Variants in PNCK observed in about 807,000 individuals in gnomAD.
PNCK encodes the protein calcium/calmodulin-dependent protein kinase type 1B.
A neutral mutation model predicts 28.3 loss-of-function variants in PNCK; 21 were observed. The ratio of observed to expected loss-of-function variants is 0.74; its 90% CI spans 0.53 to 1.07. PNCK has a LOEUF of 1.07. PNCK is among the 50% of genes least tolerant of loss of function. PNCK has a pLI of 0.00. For synonymous variants in PNCK, 136 were observed against 125.2 expected (o/e 1.09, Z -0.58); for missense variants, 250 against 298.3 (o/e 0.84, Z 1.19).
chrX:153,678,153 C>A (rs1199064167), upstream of PNCK, among the ~76,000 whole-genome samples: 2 of 110,177 alleles, frequency 1.8e-5, no homozygotes, highest in African/African-American at 6.6e-5. Context: ...ACCTCCCACT[C>A]TAAAAGTGAG....
intron 4 of PNCK, 30 bp from the exon 5 acceptor site, chrX:153,672,048 G>A (rs1003255895): frequency 8.3e-7 from 1 of 1,204,553 alleles, no homozygotes; most frequent in Non-Finnish European, 1.1e-6. Flanking sequence ...GGCTGACCCA[G>A]GCACTCAGCC....
At position 153,670,524 on chromosome X, in the gene PNCK, G is replaced by A; in HGVS notation, c.965C>T (p.Ala322Val). The change falls in exon 11 of 12, where the codon GCC becomes GTC. Residue 322 changes from alanine to valine, a missense_variant. Transcript: ENST00000340888. ...GTGGCGGGCCATGCCCTGCTCAGAG[G>A]CCCCCTCGCCCTCTGGGATCTGCCC... is the stretch of plus-strand genomic sequence containing the variant. ...KLGQIPEGEGASEQGMARHSH... is the reference protein window; with the variant it reads ...KLGQIPEGEGVSEQGMARHSH... 2 of 1,209,714 alleles carry A rather than the reference G, an allele frequency of 1.7e-6. No homozygotes were observed. The highest frequency in any genetic ancestry group is 1.1e-6 in the Non-Finnish European group (1 of 894,848).
chrX:153,680,120 T>C (rs1046040437), intron 1 of PNCK, among the ~76,000 whole-genome samples: 6 of 110,287 alleles, frequency 5.4e-5, no homozygotes, highest in Non-Finnish European at 1.1e-4. Flanking sequence ...ATCCTGTACG[T>C]GTCAACTTTG....
chrX:153,687,515 A>G (rs2148356865), exon 1 of PNCK: 1 of 322,965 alleles, frequency 3.1e-6, no homozygotes, highest in East Asian at 1.0e-4. Flanking sequence ...GAGCTCAAGG[A>G]AGGAGGGAGC....
chrX:153,672,143 G>A lies in PNCK; in HGVS notation c.258C>T (p.Leu86=). The A allele has an allele frequency of 8.3e-7, 1 of 1,206,282 alleles. No individual in the cohort carries two copies. The highest frequency in any genetic ancestry group is 1.1e-6 in the Non-Finnish European group (1 of 892,545). Residue 86 remains leucine (L), a synonymous_variant, in exon 4 of 12, where the codon CTC becomes CTT. Coordinates refer to ENST00000340888, the MANE Select transcript of PNCK (RefSeq NM_001366977.1). Reference sequence around the variant, plus strand: ...CTCCTCACAGTTCCATGGCCAGGTAGAGGTGGGAAGGGCTCTCGTGGACAT... The same window carrying A: ...CTCCTCACAGTTCCATGGCCAGGTAAAGGTGGGAAGGGCTCTCGTGGACAT... ...LEDVHESPSH[L]YLAMELVTGG... is the part of the protein sequence containing the mutation.
upstream of PNCK, among the ~76,000 whole-genome samples, chrX:153,679,617 G>A (rs1376888117): frequency 1.1e-5 from 1 of 91,705 alleles, no homozygotes; most frequent in Non-Finnish European, 2.1e-5. Flanking sequence ...TGTTGCCCAG[G>A]CTGGAGTGCA....
At chrX:153,671,811 C>G (rs1557039959) in intron 5 of PNCK, 69 bp downstream of exon 5, 1 of 1,184,055 alleles carries the variant, frequency 8.4e-7, no homozygotes, top group Non-Finnish European at 1.1e-6. Flanking sequence ...CAGCCGTGCT[C>G]CCGGGAAAAC....
rs2091272619 is a variant in PNCK at position 153,669,980 on chromosome X, G to A, written c.*158C>T. 1 of 315,630 alleles carries A rather than the reference G, an allele frequency of 3.2e-6. No homozygotes were observed. Among genetic ancestry groups the A allele is most frequent in the African/African-American group, 2.7e-5 (1 of 37,165 alleles). The allele number at this position is 315,630 out of a possible 1,213,427, so 26.0% of individuals were successfully genotyped here. Reference sequence around the variant, plus strand: ...GCAGAGCCTGGGGACAGACTTGGGGGTGCCCCATTCCAACCCCAGCGCCAT... The same window carrying A: ...GCAGAGCCTGGGGACAGACTTGGGGATGCCCCATTCCAACCCCAGCGCCAT... On this transcript the variant is annotated 3_prime_UTR_variant, in exon 12 of 12. Transcript: ENST00000340888.
chrX:153,681,314 T>A (rs2091394803), intron 1 of PNCK, among the ~76,000 whole-genome samples: 1 of 111,457 alleles, frequency 9.0e-6, no homozygotes, highest in Non-Finnish European at 1.9e-5. Context: ...AGCGGCTTCC[T>A]TCCCAAGAGC....
At position 153,671,634 on chromosome X, in the gene PNCK, C is replaced by T. The variant is rs781941620; in HGVS notation, c.453G>A (p.Ser151=). ...GTCCAAAGTCAGAGACCATGATCTTCGAGTCCTCAAAGGGCGTGGCATACA... is the reference window on the plus strand; with the variant it reads ...GTCCAAAGTCAGAGACCATGATCTTTGAGTCCTCAAAGGGCGTGGCATACA... ...NLLYATPFED[S]KIMVSDFGLS... The change falls in exon 6 of 12, where the codon TCG becomes TCA. Residue 151 remains serine, a synonymous_variant. Coordinates refer to ENST00000340888, the MANE Select transcript of PNCK (RefSeq NM_001366977.1). 1.7e-6 allele frequency: 2 copies of T among 1,200,427 alleles called. No homozygotes were observed. The highest frequency in any genetic ancestry group is 1.1e-6 in the Non-Finnish European group (1 of 890,442).
chrX:153,678,128 C>G (rs1557042003), upstream of PNCK, among the ~76,000 whole-genome samples: 1 of 109,560 alleles, frequency 9.1e-6, no homozygotes, highest in Non-Finnish European at 1.9e-5. Flanking sequence ...AGCTGCCTGC[C>G]CTTGCTTGTC....
rs150859607 is a variant in PNCK, at chrX:153,672,182, G to A, written c.219C>T (p.Ile73=). The A allele has an allele frequency of 1.1e-5, 13 of 1,203,859 alleles. No homozygotes were observed. In the South Asian group the frequency reaches 1.1e-4, roughly 10 times the overall value. Residue 73 remains isoleucine (I), a synonymous_variant, in exon 4 of 12, where the codon ATC becomes ATT. Transcript: ENST00000340888. Reference sequence around the variant, plus strand: ...TCTCGTGGACATCCTCCAGAGCGACGATGTTGGGGTGACTGATCCTGCAAT... The same window carrying A: ...TCTCGTGGACATCCTCCAGAGCGACAATGTTGGGGTGACTGATCCTGCAAT... ...AVLRRISHPN[I]VALEDVHESP...
chrX:153,674,023 T>C, upstream of PNCK: 1 of 1,192,244 alleles, frequency 8.4e-7, no homozygotes, highest in South Asian at 1.8e-5. Flanking sequence ...GCGGCCCGGC[T>C]GGGCCGGCCC....
chrX:153,678,504 G>A (rs1406922702), upstream of PNCK, among the ~76,000 whole-genome samples: 2 of 111,933 alleles, frequency 1.8e-5, no homozygotes, highest in Non-Finnish European at 3.8e-5. Context: ...GGCTCCCACC[G>A]TCTTCCATCC....
At chrX:153,674,384 G>A, upstream of PNCK, 1 of 440,889 alleles carries the variant, frequency 2.3e-6, no homozygotes, top group Non-Finnish European at 3.5e-6. Flanking sequence ...CTTAGGGGGC[G>A]GCCTAACGAC....
In PNCK at chrX:153,670,830, T is replaced by C; in HGVS notation, c.808A>G (p.Ile270Val). The C allele has an allele frequency of 8.3e-7, 1 of 1,210,104 alleles. No homozygotes were observed. Among genetic ancestry groups the C allele is most frequent in the Non-Finnish European group, 1.1e-6 (1 of 894,017 alleles). The change falls in exon 10 of 12, where the codon ATC becomes GTC. Residue 270 changes from isoleucine to valine, a missense_variant and splice_region_variant. Physicochemically the swap from Ile to Val is conservative, Grantham distance 29 (BLOSUM62 3). Coordinates refer to ENST00000340888, the MANE Select transcript of PNCK (RefSeq NM_001366977.1). ...CTGTCGAAGGCTGTGTCCCCAGAGA[T>C]CCTGGGGAAAGGCTGAAGGTCAGGG... is the stretch of plus-strand genomic sequence containing the variant. ...TCQQALRHLW[I>V]SGDTAFDRDI...
At position 153,671,540 on chromosome X, in the gene PNCK, G is replaced by A. The variant is rs370760495; in HGVS notation, c.538+9C>T. ...CACTCCCAGCAAGCCTCAGGGTGTC[G>A]TCCCTCACCCACATATCCAGGGGTC... On this transcript the variant is annotated intron_variant, in intron 6 of 11. Transcript: ENST00000340888. 228 of 1,210,307 alleles carry A rather than the reference G, an allele frequency of 1.9e-4. 1 individual carries two copies. The African/African-American group carries it at 1.9e-3, about 10-fold the overall frequency.
chrX:153,687,608 A>G, upstream of PNCK: 6 of 315,649 alleles, frequency 1.9e-5, 1 homozygote, highest in African/African-American at 8.3e-5. Context: ...GGCCCGGGGG[A>G]CGTCTTCCCA....
At chrX:153,672,104 A>C in intron 4 of PNCK, 22 bp downstream of exon 4, 1 of 1,198,102 alleles carries the variant, frequency 8.3e-7, no homozygotes, top group Non-Finnish European at 1.1e-6. Context: ...CGGCTCCCAC[A>C]GCCTGCCCAG....
Sources: gnomAD v4.1 joint callset for allele counts (sites outside exome capture counted in the v4.1 genomes callset) on GRCh38, gnomAD v4.1.1 for gene constraint, MANE v1.5 for transcripts, NCBI Gene and HGNC (gene_info 2026-07-23, HGNC 2026-07-21) for gene names.